WDR49: variants seen among roughly 807,000 people sequenced by gnomAD.
The protein encoded by WDR49 is WD repeat domain 49, also known as cilia- and flagella-associated protein 337.
Under a neutral mutation model 119.5 loss-of-function variants are expected in WDR49, and 107 were observed. That is an observed-to-expected ratio of 0.90 (90% confidence interval 0.77 to 1.05). The LOEUF is 1.05. Among genes scored for constraint, WDR49 ranks in the 50% least tolerant of loss-of-function variants. WDR49 has a pLI of 0.00. For synonymous variants in WDR49, 425 were observed against 418.8 expected (o/e 1.01, Z -0.18); for missense variants, 1,240 against 1,220.5 (o/e 1.02, Z -0.24).
intron 9 of WDR49, among the ~76,000 whole-genome samples, chr3:167,559,746 T>G (rs937724844): frequency 8.5e-5 from 13 of 152,200 alleles, no homozygotes; most frequent in African/African-American, 3.1e-4. Context: ...CCAAAGCACA[T>G]GAAATTATCG....
Position 167,553,831 on chromosome 3 carries a change from C to T in WDR49, c.1823+819G>A, listed in dbSNP as rs188887905. Among the ~76,000 whole-genome samples, 4 of 152,176 alleles carry T rather than the reference C, an allele frequency of 2.6e-5. No homozygotes were observed. The East Asian group carries it at 7.7e-4, about 29-fold the overall frequency. ...CTCCTAAAAATAGGGCAGTGTGTGG[C>T]ACTGTTTGCTGGTCTGCATTTGCAC... On this transcript the variant is annotated intron_variant, in intron 10 of 18. Transcript: ENST00000682715.
chr3:167,539,815 T>C (rs1439327015), intron 10 of WDR49, among the ~76,000 whole-genome samples: 4 of 152,192 alleles, frequency 2.6e-5, no homozygotes, highest in African/African-American at 9.6e-5. Flanking sequence ...CTGTGATCTA[T>C]ATTTACTTGT....
At chr3:167,620,396 C>T (rs1159111052) in intron 5 of WDR49, 33 bp downstream of exon 5, 8 of 1,518,312 alleles carry the variant, frequency 5.3e-6, no homozygotes, top group Non-Finnish European at 7.0e-6. Context: ...TCAGAGGTGA[C>T]CATTTACTTT....
intron 16 of WDR49, among the ~76,000 whole-genome samples, chr3:167,514,681 A>G (rs1325636900): frequency 6.6e-6 from 1 of 151,312 alleles, no homozygotes; most frequent in Non-Finnish European, 1.5e-5. Flanking sequence ...CCTTCAAAAT[A>G]TCAACAAATC....
At chr3:167,492,600 G>T (rs1751186220) in intron 18 of WDR49, among the ~76,000 whole-genome samples, 1 of 152,036 alleles carries the variant, frequency 6.6e-6, no homozygotes. Flanking sequence ...CTTCACATGG[G>T]TTATATCATT....
At chr3:167,576,214 T>C in intron 7 of WDR49, 63 bp from the exon 8 acceptor site, 1 of 1,468,786 alleles carries the variant, frequency 6.8e-7, no homozygotes, top group Middle Eastern at 1.8e-4. Context: ...TTTAGCCAAT[T>C]TTTTTTCTAG....
At chr3:167,539,946 G>T (rs1711684176) in intron 10 of WDR49, among the ~76,000 whole-genome samples, 1 of 152,076 alleles carries the variant, frequency 6.6e-6, no homozygotes, top group Non-Finnish European at 1.5e-5. Flanking sequence ...ACAAATATTT[G>T]CTGAATCAAT....
chr3:167,509,152 A>T (rs1751875093), intron 16 of WDR49, among the ~76,000 whole-genome samples: 1 of 152,206 alleles, frequency 6.6e-6, no homozygotes, highest in African/African-American at 2.4e-5. Flanking sequence ...CCTTCCAGAT[A>T]AGCAATTTTT....
chr3:167,604,890 C>CT (rs1715970819), intron 5 of WDR49, among the ~76,000 whole-genome samples: 1 of 152,118 alleles, frequency 6.6e-6, no homozygotes, highest in African/African-American at 2.4e-5. Context: ...GTGCCTTAAT[C>CT]TTTGACTCCC....
intron 3 of WDR49, 70 bp downstream of exon 3, chr3:167,626,782 A>G (rs1717144497): frequency 8.6e-7 from 1 of 1,162,698 alleles, no homozygotes; most frequent in Non-Finnish European, 1.1e-6. Flanking sequence ...TGTTACTGCT[A>G]GCCAGGAGCC....
intron 2 of WDR49, among the ~76,000 whole-genome samples, chr3:167,629,946 T>C (rs571124258): frequency 2.0e-5 from 3 of 152,246 alleles, no homozygotes; most frequent in East Asian, 3.9e-4. Context: ...TGAGATGGAA[T>C]CTATTCCCGT....
intron 2 of WDR49, among the ~76,000 whole-genome samples, chr3:167,647,837 T>C (rs1266438305): frequency 6.6e-6 from 1 of 152,196 alleles, no homozygotes; most frequent in African/African-American, 2.4e-5. Context: ...AAAAAGCAAT[T>C]GGTTATTATC....
chr3:167,580,676 C>G (rs1395697151), intron 7 of WDR49, among the ~76,000 whole-genome samples: 5 of 152,246 alleles, frequency 3.3e-5, no homozygotes, highest in East Asian at 3.9e-4. Context: ...TCCTTCTAAT[C>G]ATAAAAGCCC....
intron 8 of WDR49, among the ~76,000 whole-genome samples, chr3:167,561,596 G>A (rs1713274204): frequency 6.6e-6 from 1 of 152,142 alleles, no homozygotes; most frequent in Non-Finnish European, 1.5e-5. Flanking sequence ...TGCTGGAGTG[G>A]GGGATTGGGT....
At chr3:167,552,548 A>C (rs1712637525) in intron 10 of WDR49, among the ~76,000 whole-genome samples, 1 of 152,064 alleles carries the variant, frequency 6.6e-6, no homozygotes, top group Admixed American at 6.6e-5. Flanking sequence ...GAAGTTCCAA[A>C]CAAAAGAGAA....
chr3:167,511,822 A>G (rs1026650822), intron 16 of WDR49, among the ~76,000 whole-genome samples: 1 of 152,220 alleles, frequency 6.6e-6, no homozygotes, highest in Non-Finnish European at 1.5e-5. Flanking sequence ...CCCACAATGC[A>G]GCACAGTGGC....
chr3:167,509,903 C>A (rs911777578), intron 16 of WDR49, among the ~76,000 whole-genome samples: 14 of 151,836 alleles, frequency 9.2e-5, no homozygotes, highest in African/African-American at 3.4e-4. Flanking sequence ...TATTTTTGAG[C>A]GATAAAACAG....
chr3:167,556,955 G>A (rs1712965199), intron 9 of WDR49, among the ~76,000 whole-genome samples: 1 of 152,146 alleles, frequency 6.6e-6, no homozygotes, highest in African/African-American at 2.4e-5. Flanking sequence ...AACCCAGAAG[G>A]TGGAGGTTGC....
upstream of WDR49, among the ~76,000 whole-genome samples, chr3:167,657,459 C>T (rs1718632284): frequency 6.6e-6 from 1 of 151,924 alleles, no homozygotes. Flanking sequence ...ATCTCTATGC[C>T]CACCATTGCT....
Sources: allele counts gnomAD v4.1 joint callset (sites outside exome capture counted in the v4.1 genomes callset), GRCh38; gene constraint gnomAD v4.1.1; transcripts MANE v1.5; gene names NCBI Gene and HGNC (gene_info 2026-07-23, HGNC 2026-07-21).